CCBE1: variants seen among roughly 807,000 people sequenced by gnomAD.
CCBE1 encodes the protein collagen and calcium binding EGF domains 1.
CCBE1 carries 37 observed loss-of-function variants against 50.0 expected under a neutral mutation model. The ratio of observed to expected loss-of-function variants is 0.74; its 90% CI spans 0.57 to 0.97. The LOEUF (loss-of-function observed/expected upper bound fraction) is 0.97, where lower values mean the gene tolerates loss of function less well. Ranked by LOEUF, CCBE1 falls within the 50% of genes least tolerant of loss-of-function variation. The pLI is 0.00. For synonymous variants in CCBE1, 234 were observed against 203.7 expected (o/e 1.15, Z -1.27); for missense variants, 538 against 523.8 (o/e 1.03, Z -0.26).
intron 2 of CCBE1, among the ~76,000 whole-genome samples, chr18:59,662,319 A>G (rs1244783334): frequency 1.3e-5 from 2 of 152,234 alleles, no homozygotes; most frequent in East Asian, 1.9e-4. Flanking sequence ...AATGACCATG[A>G]AAGTTCTGTA....
At chr18:59,525,494 A>G (rs1009843209) in intron 2 of CCBE1, among the ~76,000 whole-genome samples, 5 of 152,316 alleles carry the variant, frequency 3.3e-5, no homozygotes, top group African/African-American at 1.2e-4. Context: ...TAGATTCTGA[A>G]TATTAGAACT....
chr18:59,569,927 G>T (rs1340117410), intron 2 of CCBE1, among the ~76,000 whole-genome samples: 1 of 152,140 alleles, frequency 6.6e-6, no homozygotes, highest in Non-Finnish European at 1.5e-5. Context: ...CACTGCACCC[G>T]GCCTCAGCTC....
At chr18:59,642,672 G>A (rs961978027) in intron 2 of CCBE1, among the ~76,000 whole-genome samples, 12 of 152,174 alleles carry the variant, frequency 7.9e-5, no homozygotes, top group African/African-American at 2.7e-4. Flanking sequence ...ACAATGGGCC[G>A]GGCGCGGTGG....
At position 59,529,306 on chromosome 18, in the gene CCBE1, A is replaced by G. The variant is rs374653021; in HGVS notation, c.213-49068T>C. Among the ~76,000 whole-genome samples the G allele has an allele frequency of 1.2e-4, 18 of 152,276 alleles. No homozygotes were observed. In the East Asian group the frequency reaches 2.7e-3, roughly 23 times the overall value. ...AATTCCTCCCAGGTCCAAACCACCC[A>G]ATCTCCCAGGCACTGGCAGGGGAAA... On this transcript the variant is annotated intron_variant, in intron 2 of 10. Coordinates refer to ENST00000439986, the MANE Select transcript of CCBE1 (RefSeq NM_133459.4).
intron 2 of CCBE1, among the ~76,000 whole-genome samples, chr18:59,614,233 C>T (rs1305930024): frequency 2.0e-5 from 3 of 152,136 alleles, no homozygotes; most frequent in Admixed American, 6.5e-5. Context: ...CTCCTGACCT[C>T]AAATGATCCA....
chr18:59,584,415 G>T (rs553941444), intron 2 of CCBE1, among the ~76,000 whole-genome samples: 14 of 151,860 alleles, frequency 9.2e-5, no homozygotes, highest in Middle Eastern at 3.4e-3. Flanking sequence ...ACGAGTTAAT[G>T]GGTGCAGCAC....
chr18:59,565,460 C>T (rs1346587230), intron 2 of CCBE1, among the ~76,000 whole-genome samples: 1 of 152,076 alleles, frequency 6.6e-6, no homozygotes, highest in African/African-American at 2.4e-5. Flanking sequence ...TAACCAGGGG[C>T]GAGGGGCAGG....
intron 2 of CCBE1, among the ~76,000 whole-genome samples, chr18:59,605,099 G>A (rs1263116455): frequency 6.6e-6 from 1 of 152,222 alleles, no homozygotes; most frequent in Non-Finnish European, 1.5e-5. Context: ...AGTGCCCACA[G>A]AAGGAGTGTC....
At chr18:59,485,713 C>T (rs1448807404) in intron 2 of CCBE1, among the ~76,000 whole-genome samples, 3 of 151,790 alleles carry the variant, frequency 2.0e-5, no homozygotes, top group African/African-American at 4.8e-5. Context: ...CAGGTACAAG[C>T]GATTCTCCTG....
At chr18:59,615,860 A>G (rs575327225) in intron 2 of CCBE1, among the ~76,000 whole-genome samples, 1 of 152,342 alleles carries the variant, frequency 6.6e-6, no homozygotes, top group South Asian at 2.1e-4. Context: ...AAGAATAAGA[A>G]GGTTGAAAGT....
Position 59,435,863 on chromosome 18 carries a change from T to A in CCBE1, c.*45A>T. ...TCTCTTTAGATGGTTTAACTGCAGG[T>A]GAGTTGATCTTTCTCTTCCTTTGGC... is the stretch of plus-strand genomic sequence containing the variant. On this transcript the variant is annotated 3_prime_UTR_variant, in exon 11 of 11. Coordinates refer to ENST00000439986, the MANE Select transcript of CCBE1 (RefSeq NM_133459.4). 6.6e-7 allele frequency: 1 copy of A among 1,523,082 alleles called. No individual in the cohort carries two copies. Among genetic ancestry groups the A allele is most frequent in the Non-Finnish European group, 9.1e-7 (1 of 1,096,958 alleles). The allele number at this position is 1,523,082 out of a possible 1,614,324, so 94.3% of individuals were successfully genotyped here. A position where few individuals can be genotyped will look rare whatever the true frequency, so the allele number is the denominator to read the frequency against.
chr18:59,496,247 C>T (rs1400959010), intron 2 of CCBE1, among the ~76,000 whole-genome samples: 1 of 152,180 alleles, frequency 6.6e-6, no homozygotes, highest in East Asian at 1.9e-4. Context: ...TGTGTCTCCT[C>T]TAATTGACCA....
intron 2 of CCBE1, among the ~76,000 whole-genome samples, chr18:59,516,219 A>G (rs530979675): frequency 6.6e-6 from 1 of 150,614 alleles, no homozygotes; most frequent in African/African-American, 2.4e-5. Context: ...TCAGCCTCCC[A>G]AAGTGCTGGG....
At chr18:59,688,849 G>A (rs1355336426) in intron 2 of CCBE1, among the ~76,000 whole-genome samples, 1 of 152,162 alleles carries the variant, frequency 6.6e-6, no homozygotes, top group Non-Finnish European at 1.5e-5. Flanking sequence ...ACAGGTAAGT[G>A]ACCCAAAGAT....
chr18:59,540,244 TTTTG>T (rs764522249), intron 2 of CCBE1, among the ~76,000 whole-genome samples: 47 of 152,222 alleles, frequency 3.1e-4, no homozygotes, highest in Non-Finnish European at 6.0e-4. Context: ...TTAGACTTTT[TTTTG>T]TTGGTTTTTA....
rs1239983453 is a variant in CCBE1, at chr18:59,693,009, A to C, written c.212+3620T>G. Among the ~76,000 whole-genome samples, 8 of 150,898 alleles carry C rather than the reference A, an allele frequency of 5.3e-5. No individual in the cohort carries two copies. In the South Asian group the frequency reaches 8.5e-4, roughly 16 times the overall value. On this transcript the variant is annotated intron_variant, in intron 2 of 10. Coordinates refer to ENST00000439986, the MANE Select transcript of CCBE1 (RefSeq NM_133459.4). ...ACACACACACACACACACACAAACA[A>C]AAAACGCAAAGCCAAACCTATCTCA... is the stretch of plus-strand genomic sequence containing the variant.
intron 2 of CCBE1, among the ~76,000 whole-genome samples, chr18:59,518,451 A>T (rs1033523934): frequency 6.6e-6 from 1 of 152,262 alleles, no homozygotes; most frequent in South Asian, 2.1e-4. Flanking sequence ...AGAACAAGCC[A>T]TTCATAAAAT....
chr18:59,614,760 C>G (rs1294916657), intron 2 of CCBE1, among the ~76,000 whole-genome samples: 2 of 152,248 alleles, frequency 1.3e-5, no homozygotes, highest in Admixed American at 6.5e-5. Flanking sequence ...AGTCCTAAAG[C>G]TGAGCTGAGG....
intron 2 of CCBE1, among the ~76,000 whole-genome samples, chr18:59,665,421 C>T (rs953418731): frequency 2.0e-5 from 3 of 152,136 alleles, no homozygotes; most frequent in African/African-American, 7.2e-5. Flanking sequence ...TTTTTTATCC[C>T]ATTTAAAAAT....
Sources: gnomAD v4.1 joint callset for allele counts (sites outside exome capture counted in the v4.1 genomes callset) on GRCh38, gnomAD v4.1.1 for gene constraint, MANE v1.5 for transcripts, NCBI Gene and HGNC (gene_info 2026-07-23, HGNC 2026-07-21) for gene names.